Variants in TTC9 observed in about 807,000 individuals in gnomAD.
TTC9 encodes tetratricopeptide repeat protein 9A.
In TTC9, 13 loss-of-function variants were observed where a neutral mutation model predicts 22.9. That is an observed-to-expected ratio of 0.57 (90% confidence interval 0.37 to 0.90). The LOEUF is 0.90. TTC9 is among the 40% of genes least tolerant of loss of function. TTC9 has a pLI of 0.01. For missense variants in TTC9, 280 were observed against 291.8 expected (o/e 0.96, Z 0.29); for synonymous variants, 148 against 133.2 (o/e 1.11, Z -0.77).
In TTC9 at chr14:70,675,009, C is replaced by T. The variant is rs1198632498; in HGVS notation, c.*3854C>T. 6.6e-6 allele frequency: 1 copy of T among 152,136 alleles called. No homozygotes were observed. Among genetic ancestry groups the T allele is most frequent in the Non-Finnish European group, 1.5e-5 (1 of 68,010 alleles). The allele number at this position is 152,136 out of a possible 1,614,324, so 9.4% of individuals were successfully genotyped here. A position where few individuals can be genotyped will look rare whatever the true frequency, so the allele number is the denominator to read the frequency against. On this transcript the variant is annotated 3_prime_UTR_variant, in exon 3 of 3. Transcript: ENST00000256367. Reference sequence around the variant, plus strand: ...CAACCACCCTCCAGAAAGTTTGTACCAAAACGCTCTCCTATTTGGATCCTA... The same window carrying T: ...CAACCACCCTCCAGAAAGTTTGTACTAAAACGCTCTCCTATTTGGATCCTA...
intron 2 of TTC9, among the ~76,000 whole-genome samples, chr14:70,670,202 C>G (rs1422422995): frequency 1.3e-5 from 2 of 152,216 alleles, no homozygotes; most frequent in African/African-American, 2.4e-5. Flanking sequence ...GCCAGACACA[C>G]CATTTACTAT....
chr14:70,665,853 C>A (rs1886208186), intron 1 of TTC9, among the ~76,000 whole-genome samples: 1 of 152,062 alleles, frequency 6.6e-6, no homozygotes, highest in Non-Finnish European at 1.5e-5. Context: ...TTGTCTCTAT[C>A]CTGAGGTGTC....
In TTC9 at chr14:70,642,268, G is replaced by GCGGCCGAGC. The variant is rs536435274; in HGVS notation, c.149_157dup (p.Pro50_Glu52dup). The GCGGCCGAGC allele has an allele frequency of 2.0e-3, 2,928 of 1,499,534 alleles. 2 individuals carry two copies. The highest frequency in any genetic ancestry group is 2.4e-3 in the Non-Finnish European group (2,652 of 1,125,216). The allele number at this position is 1,499,534 out of a possible 1,614,324, so 92.9% of individuals were successfully genotyped here. A position where few individuals can be genotyped will look rare whatever the true frequency, so the allele number is the denominator to read the frequency against. Reference sequence around the variant, plus strand: ...CCCAGCGAGGGGCCAGGTCGGGGCGGCGGCCGAGCCGGCCGAGCTCATCCG... The same window carrying GCGGCCGAGC: ...CCCAGCGAGGGGCCAGGTCGGGGCGGCGGCCGAGCCGGCCGAGCCGGCCGAGCTCATCCG... On this transcript the variant is annotated inframe_insertion, in exon 1 of 3. Coordinates refer to ENST00000256367, the MANE Select transcript of TTC9 (RefSeq NM_015351.2).
chr14:70,665,806 G>A (rs1247504978), intron 1 of TTC9, among the ~76,000 whole-genome samples: 1 of 152,176 alleles, frequency 6.6e-6, no homozygotes, highest in African/African-American at 2.4e-5. Context: ...GGGTCAGAAT[G>A]ACTGACGTTA....
Position 70,667,545 on chromosome 14 carries a change from T to C in TTC9, c.407-19T>C, listed in dbSNP as rs1342886012. ...GGCCACTGTTGTGCTGATGGCATTT[T>C]CCCTCCCTTCCTCCATAGCCTGCCT... On this transcript the variant is annotated intron_variant, in intron 1 of 2. Transcript: ENST00000256367. 6.2e-7 allele frequency: 1 copy of C among 1,613,444 alleles called. No individual in the cohort carries two copies. Among genetic ancestry groups the C allele is most frequent in the African/African-American group, 1.3e-5 (1 of 74,912 alleles).
chr14:70,663,855 G>T (rs1204976687), intron 1 of TTC9, among the ~76,000 whole-genome samples: 1 of 152,134 alleles, frequency 6.6e-6, no homozygotes, highest in African/African-American at 2.4e-5. Context: ...GGGGCTGTGT[G>T]GGTTTCCGAT....
intron 1 of TTC9, among the ~76,000 whole-genome samples, chr14:70,650,034 T>C (rs1199035576): frequency 3.3e-5 from 5 of 152,196 alleles, no homozygotes; most frequent in Non-Finnish European, 5.9e-5. Flanking sequence ...TCTCTCCTCT[T>C]TTCTTCCTCC....
chr14:70,643,247 C>T (rs541669662), intron 1 of TTC9, among the ~76,000 whole-genome samples: 26 of 152,282 alleles, frequency 1.7e-4, no homozygotes, highest in Admixed American at 1.4e-3. Context: ...TCAGTCCTCA[C>T]GCCAGCTGGC....
chr14:70,645,102 A>C (rs1393186204), intron 1 of TTC9, among the ~76,000 whole-genome samples: 1 of 151,956 alleles, frequency 6.6e-6, no homozygotes, highest in African/African-American at 2.4e-5. Flanking sequence ...ACAGAACGAG[A>C]CTCTGTCTCA....
chr14:70,662,375 G>C (rs1886155706), intron 1 of TTC9, among the ~76,000 whole-genome samples: 1 of 149,410 alleles, frequency 6.7e-6, no homozygotes, highest in African/African-American at 2.5e-5. Flanking sequence ...GCCATGACTT[G>C]GGAAGACCCA....
intron 1 of TTC9, among the ~76,000 whole-genome samples, chr14:70,651,845 C>T (rs1168958500): frequency 6.6e-6 from 1 of 152,132 alleles, no homozygotes; most frequent in East Asian, 1.9e-4. Context: ...ATGTTGGAGG[C>T]TCAGCCAGAG....
chr14:70,643,789 C>G (rs1328368090), intron 1 of TTC9, among the ~76,000 whole-genome samples: 1 of 152,198 alleles, frequency 6.6e-6, no homozygotes, highest in East Asian at 1.9e-4. Context: ...CATGCCCAGT[C>G]TCATCTTTGA....
chr14:70,661,746 C>T (rs937952166), intron 1 of TTC9, among the ~76,000 whole-genome samples: 5 of 152,236 alleles, frequency 3.3e-5, no homozygotes, highest in Admixed American at 6.5e-5. Context: ...ATGAGTGTCG[C>T]GGGGGCTCTT....
chr14:70,662,413 CAAAAAA>C (rs57369399), intron 1 of TTC9, among the ~76,000 whole-genome samples: 1 of 123,240 alleles, frequency 8.1e-6, no homozygotes, highest in African/African-American at 2.8e-5. Context: ...ATCTCTATGC[CAAAAAA>C]AAAAAAAAAA....
rs1442084604 is a variant in TTC9 at position 70,642,513 on chromosome 14, C to A, written c.384C>A (p.Ile128=). The change falls in exon 1 of 3, where the codon ATC becomes ATA. Residue 128 remains isoleucine (I), a synonymous_variant. Coordinates refer to ENST00000256367, the MANE Select transcript of TTC9 (RefSeq NM_015351.2). ...EQSKTVEAIE[I]DCYNSLAACL... ...GCAAGACGGTGGAAGCCATCGAGAT[C>A]GACTGTTACAACAGCCTGGCAGGTG... 5.2e-6 allele frequency: 8 copies of A among 1,543,562 alleles called. No homozygotes were observed. The highest frequency in any genetic ancestry group is 4.2e-5 in the African/African-American group (3 of 71,832).
At chr14:70,650,292 G>A (rs1222023084) in intron 1 of TTC9, among the ~76,000 whole-genome samples, 6 of 152,082 alleles carry the variant, frequency 3.9e-5, no homozygotes, top group Non-Finnish European at 5.9e-5. Flanking sequence ...GCATGGTGGC[G>A]CGTGCCTATA....
chr14:70,655,354 A>G (rs900173630), intron 1 of TTC9, among the ~76,000 whole-genome samples: 1 of 151,924 alleles, frequency 6.6e-6, no homozygotes, highest in Non-Finnish European at 1.5e-5. Context: ...AGATCGCGCC[A>G]CTGCTCTCCA....
chr14:70,653,008 T>C (rs1473874138), intron 1 of TTC9, among the ~76,000 whole-genome samples: 1 of 152,220 alleles, frequency 6.6e-6, no homozygotes, highest in African/African-American at 2.4e-5. Flanking sequence ...TGAATCTGAA[T>C]CCTAGCTTCC....
In TTC9 at chr14:70,675,319, T is replaced by C. The variant is rs1886353614; in HGVS notation, c.*4164T>C. The C allele has an allele frequency of 6.6e-6, 1 of 152,260 alleles. No homozygotes were observed. The highest frequency in any genetic ancestry group is 2.1e-4 in the South Asian group (1 of 4,830). 9.4% of individuals were successfully genotyped at this position (152,260 alleles called of 1,614,324 possible). ...TTCCAAGTGCTTTGCTTTCAAATTT[T>C]GTTTATGGTGCTTTTTGACATACAT... On this transcript the variant is annotated 3_prime_UTR_variant, in exon 3 of 3. Transcript: ENST00000256367.
Sources: allele counts gnomAD v4.1 joint callset (sites outside exome capture counted in the v4.1 genomes callset), GRCh38; gene constraint gnomAD v4.1.1; transcripts MANE v1.5; gene names NCBI Gene and HGNC (gene_info 2026-07-23, HGNC 2026-07-21).